Variants in KIF16B observed in about 807,000 individuals in gnomAD.
KIF16B encodes the protein kinesin-like protein KIF16B.
A neutral mutation model predicts 156.3 loss-of-function variants in KIF16B; 98 were observed. That is an observed-to-expected ratio of 0.63 (90% CI 0.53 to 0.74). The LOEUF (loss-of-function observed/expected upper bound fraction) is 0.74. Ranked by LOEUF, KIF16B falls within the 30% of genes least tolerant of loss-of-function variation. The pLI is 0.00. For missense variants in KIF16B, 1,421 were observed against 1,606.5 expected (o/e 0.88, Z 1.97); for synonymous variants, 564 against 583.7 (o/e 0.97, Z 0.49).
At chr20:16,537,029 C>T (rs2069994604) in intron 1 of KIF16B, among the ~76,000 whole-genome samples, 1 of 152,106 alleles carries the variant, frequency 6.6e-6, no homozygotes, top group Admixed American at 6.6e-5. Flanking sequence ...TAGGCCCTGT[C>T]CCAGGTCAGG....
At chr20:16,475,345 T>TTAAG (rs3074045) in intron 12 of KIF16B, among the ~76,000 whole-genome samples, 78,651 of 151,788 alleles carry the variant, frequency 0.52, 21,623 homozygotes, top group African/African-American at 0.72. Context: ...TGCAGGGAGG[T>TTAAG]TAAGTCACCC....
chr20:16,363,585 C>T (rs886863681), intron 22 of KIF16B, among the ~76,000 whole-genome samples: 23 of 152,166 alleles, frequency 1.5e-4, no homozygotes, highest in African/African-American at 5.6e-4. Context: ...TGATTTGGGG[C>T]TTGGTCATGT....
chr20:16,454,017 T>A (rs2146624803), intron 12 of KIF16B, among the ~76,000 whole-genome samples: 1 of 152,306 alleles, frequency 6.6e-6, no homozygotes, highest in South Asian at 2.1e-4. Context: ...ACTGCTTATC[T>A]TTCAAATAAT....
intron 12 of KIF16B, among the ~76,000 whole-genome samples, chr20:16,470,091 G>T (rs1434871593): frequency 6.6e-6 from 1 of 152,072 alleles, no homozygotes; most frequent in African/African-American, 2.4e-5. Flanking sequence ...ATCTAAAAAG[G>T]CTCATATGGT....
chr20:16,369,223 G>A (rs894889584), intron 22 of KIF16B: 1 of 985,652 alleles, frequency 1.0e-6, no homozygotes. Flanking sequence ...GGCATCTCTG[G>A]GCAGAAGCGG....
At chr20:16,448,996 G>T (rs1352422418) in intron 12 of KIF16B, among the ~76,000 whole-genome samples, 8 of 152,064 alleles carry the variant, frequency 5.3e-5, no homozygotes, top group Non-Finnish European at 1.5e-5. Flanking sequence ...AATCAAATGG[G>T]TAAAATCAGA....
chr20:16,508,885 C>G (rs1439438950), intron 6 of KIF16B, among the ~76,000 whole-genome samples: 3 of 152,110 alleles, frequency 2.0e-5, no homozygotes, highest in Non-Finnish European at 2.9e-5. Context: ...ATTTTATTAA[C>G]TTTTTTGGAA....
At chr20:16,370,779 T>C in intron 21 of KIF16B, 143 bp from the exon 22 acceptor site, 1 of 624,850 alleles carries the variant, frequency 1.6e-6, no homozygotes, top group Non-Finnish European at 2.7e-6. Flanking sequence ...TCTATATAAT[T>C]TACATCCCCA....
intron 15 of KIF16B, among the ~76,000 whole-genome samples, chr20:16,426,099 A>G (rs1168471795): frequency 6.6e-6 from 1 of 152,168 alleles, no homozygotes; most frequent in African/African-American, 2.4e-5. Flanking sequence ...ACCTCCCACC[A>G]GGTCCCTCCT....
intron 10 of KIF16B, among the ~76,000 whole-genome samples, chr20:16,500,923 C>T (rs2068603154): frequency 6.6e-6 from 1 of 151,966 alleles, no homozygotes; most frequent in South Asian, 2.1e-4. Context: ...TTTTTCATTT[C>T]TATACTGTTT....
At chr20:16,405,937 G>A (rs2065772179) in intron 16 of KIF16B, among the ~76,000 whole-genome samples, 1 of 152,042 alleles carries the variant, frequency 6.6e-6, no homozygotes, top group South Asian at 2.1e-4. Flanking sequence ...CCAAACCAAA[G>A]TCTTTCCCAG....
In KIF16B at chr20:16,504,488, T is replaced by C; in HGVS notation, c.1060A>G (p.Arg354Gly). ...GGCTTGTTGATGATGTTTTTGGCTC[T>C]ATTTGCATAGCGAAGAGTACTTAGG... ...ETLSTLRYAN[R>G]AKNIINKPTI... Residue 354 changes from arginine to glycine, a missense_variant, in exon 10 of 26, where the codon AGA (arginine) becomes GGA (glycine). By Grantham distance (125) the Arg-to-Gly change is moderately radical. Coordinates refer to ENST00000354981, the MANE Select transcript of KIF16B (RefSeq NM_024704.5). The C allele has an allele frequency of 6.2e-7, 1 of 1,614,116 alleles. No individual in the cohort carries two copies. Among genetic ancestry groups the C allele is most frequent in the East Asian group, 2.2e-5 (1 of 44,876 alleles).
chr20:16,324,918 C>T (rs2063821945), intron 24 of KIF16B, among the ~76,000 whole-genome samples: 1 of 152,010 alleles, frequency 6.6e-6, no homozygotes, highest in Non-Finnish European at 1.5e-5. Context: ...TACTAGCTAA[C>T]CAAATCCAAC....
intron 1 of KIF16B, among the ~76,000 whole-genome samples, chr20:16,531,482 G>A (rs896730113): frequency 6.6e-6 from 1 of 152,188 alleles, no homozygotes; most frequent in African/African-American, 2.4e-5. Context: ...GAGAAAACCA[G>A]GTACGAGGTG....
At chr20:16,551,244 C>T (rs1040352314) in intron 1 of KIF16B, among the ~76,000 whole-genome samples, 3 of 151,822 alleles carry the variant, frequency 2.0e-5, no homozygotes, top group African/African-American at 7.3e-5. Flanking sequence ...AATTCTCCTG[C>T]CTCAGCCTCC....
At chr20:16,560,481 C>G (rs528361168) in intron 1 of KIF16B, among the ~76,000 whole-genome samples, 2 of 152,304 alleles carry the variant, frequency 1.3e-5, no homozygotes, top group East Asian at 3.9e-4. Context: ...AGCAGGCATC[C>G]CATGGAGGGT....
At chr20:16,378,563 T>C (rs2065006928) in intron 19 of KIF16B, among the ~76,000 whole-genome samples, 1 of 152,198 alleles carries the variant, frequency 6.6e-6, no homozygotes, top group African/African-American at 2.4e-5. Flanking sequence ...GCTTTGCTTT[T>C]GTTTGTGTGT....
intron 15 of KIF16B, among the ~76,000 whole-genome samples, chr20:16,422,655 T>C (rs1434966367): frequency 1.3e-5 from 2 of 152,142 alleles, no homozygotes; most frequent in Non-Finnish European, 2.9e-5. Flanking sequence ...CTCAGTTCTA[T>C]ACAACTATAA....
intron 1 of KIF16B, among the ~76,000 whole-genome samples, chr20:16,534,738 A>C (rs1248387024): frequency 6.6e-6 from 1 of 151,854 alleles, no homozygotes; most frequent in Non-Finnish European, 1.5e-5. Context: ...ATTCTTATCC[A>C]GTTTTCCCAG....
Sources: allele counts gnomAD v4.1 joint callset (sites outside exome capture counted in the v4.1 genomes callset), GRCh38; gene constraint gnomAD v4.1.1; transcripts MANE v1.5; gene names NCBI Gene and HGNC (gene_info 2026-07-23, HGNC 2026-07-21).